WNT4: variants seen among roughly 807,000 people sequenced by gnomAD.
WNT4 encodes the protein Wnt family member 4.
WNT4 carries 16 observed loss-of-function variants against 34.5 expected under a neutral mutation model. The ratio of observed to expected loss-of-function variants is 0.46; its 90% CI spans 0.31 to 0.70. The LOEUF (loss-of-function observed/expected upper bound fraction) is 0.70. Among genes scored for constraint, WNT4 ranks in the 30% least tolerant of loss-of-function variants. The pLI is 0.04. For synonymous variants in WNT4, 200 were observed against 211.9 expected, an observed-to-expected ratio of 0.94 and a Z score of 0.49; for missense variants, 379 against 495.9, an observed-to-expected ratio of 0.76 and a Z score of 2.24.
At chr1:22,120,622 C>T in intron 4 of WNT4, 105 bp from the exon 5 acceptor site, 1 of 1,192,384 alleles carries the variant, frequency 8.4e-7, no homozygotes, top group Non-Finnish European at 1.2e-6. Flanking sequence ...GGGGCTGACG[C>T]TGCAGTCAGA....
chr1:22,141,345 C>T (rs1000698285), intron 1 of WNT4, among the ~76,000 whole-genome samples: 3 of 152,082 alleles, frequency 2.0e-5, no homozygotes, highest in Non-Finnish European at 2.9e-5. Context: ...CCTTCTGATG[C>T]TCAGATCTGT....
chr1:22,132,182 C>T (rs1645989447), intron 1 of WNT4, among the ~76,000 whole-genome samples: 1 of 152,246 alleles, frequency 6.6e-6, no homozygotes, highest in Non-Finnish European at 1.5e-5. Flanking sequence ...TGGATCCTTT[C>T]CTGCTCAGAC....
chr1:22,129,470 C>T, intron 2 of WNT4, 146 bp downstream of exon 2: 1 of 1,007,322 alleles, frequency 9.9e-7, no homozygotes, highest in Non-Finnish European at 1.5e-6. Flanking sequence ...CGCTCTGCAT[C>T]CTTTATGCCC....
chr1:22,130,114 GC>G (rs1452711333), intron 1 of WNT4, among the ~76,000 whole-genome samples: 6 of 152,182 alleles, frequency 3.9e-5, no homozygotes, highest in Non-Finnish European at 8.8e-5. Context: ...AGCTCATCGA[GC>G]CCCTACGGGA....
chr1:22,120,286 C>T lies in WNT4; in HGVS notation c.820G>A (p.Glu274Lys). The T allele has an allele frequency of 6.2e-7, 1 of 1,614,224 alleles. No individual in the cohort carries two copies. Among genetic ancestry groups the T allele is most frequent in the Non-Finnish European group, 8.5e-7 (1 of 1,180,040 alleles). The change falls in exon 5 of 5, where the codon GAG becomes AAG. Residue 274 changes from glutamate (E) to lysine (K), a missense_variant. Coordinates refer to ENST00000290167, the MANE Select transcript of WNT4 (RefSeq NM_030761.5). ...PHTDEDLVYL[E>K]PSPDFCEQDM... ...TGCTCACAGAAGTCGGGGCTAGGCT[C>T]CAAGTACACCAGGTCCTCATCTGTG...
In WNT4 at chr1:22,129,869, CG is replaced by C. The variant is rs993354934; in HGVS notation, c.78-19del. 1 of 1,612,508 alleles carries C rather than the reference CG, an allele frequency of 6.2e-7. No homozygotes were observed. The highest frequency in any genetic ancestry group is 1.3e-5 in the African/African-American group (1 of 74,896). ...CCAGGTACCTGGGGAGAGGGTGACA[CG>C]TGATGCAGAGCCCACCTCCTCATCT... On this transcript the variant is annotated intron_variant, in intron 1 of 4. Coordinates refer to ENST00000290167, the MANE Select transcript of WNT4 (RefSeq NM_030761.5).
At position 22,120,373 on chromosome 1, in the gene WNT4, C is replaced by T. The variant is rs1367399638; in HGVS notation, c.733G>A (p.Glu245Lys). ...CTGGAGGAGCCCACGCGGCGTGGCT[C>T]CACCTCAGTGGCACCATCAAACTTC... ...KEKFDGATEV[E>K]PRRVGSSRAL... Residue 245 changes from glutamate to lysine, a missense_variant, in exon 5 of 5, where the codon GAG (glutamate) becomes AAG (lysine). Transcript: ENST00000290167. 1.9e-6 allele frequency: 3 copies of T among 1,614,082 alleles called. No individual in the cohort carries two copies. Among genetic ancestry groups the T allele is most frequent in the South Asian group, 2.2e-5 (2 of 91,092 alleles).
Position 22,120,447 on chromosome 1 carries a change from C to T in WNT4, c.659G>A (p.Cys220Tyr). The T allele has an allele frequency of 6.2e-7, 1 of 1,613,648 alleles. No individual in the cohort carries two copies. ...GCGGAAGGGCGGCACGGCTCGCCAG[C>T]ACGTCTTTACCTCACAGGAGCCTGA... is the stretch of plus-strand genomic sequence containing the variant. ...GVSGSCEVKT[C>Y]WRAVPPFRQV... The change falls in exon 5 of 5, where the codon TGC becomes TAC. Residue 220 changes from cysteine (C) to tyrosine (Y), a missense_variant. Physicochemically the swap from Cys to Tyr is radical, Grantham distance 194 (BLOSUM62 -2). Around this residue, in one of 2 missense-constraint regions of WNT4, gnomAD observed 313 missense variants for 445.8 expected, o/e 0.70. Coordinates refer to ENST00000290167, the MANE Select transcript of WNT4 (RefSeq NM_030761.5).
At chr1:22,124,001 A>G (rs1188675602) in intron 2 of WNT4, among the ~76,000 whole-genome samples, 5 of 152,176 alleles carry the variant, frequency 3.3e-5, no homozygotes, top group African/African-American at 9.7e-5. Flanking sequence ...AGCCTTCTCT[A>G]CCTGGTTCTG....
intron 1 of WNT4, among the ~76,000 whole-genome samples, chr1:22,132,548 C>G (rs1448803824): frequency 6.6e-6 from 1 of 152,214 alleles, no homozygotes; most frequent in Non-Finnish European, 1.5e-5. Context: ...CAGGGGCCTG[C>G]TGGCCCCATG....
intron 2 of WNT4, among the ~76,000 whole-genome samples, chr1:22,125,083 A>G (rs1423939544): frequency 2.0e-5 from 3 of 152,040 alleles, no homozygotes; most frequent in Non-Finnish European, 4.4e-5. Flanking sequence ...TCAGAGCCAA[A>G]GCTGTATTGG....
At chr1:22,130,199 C>T (rs1645972683) in intron 1 of WNT4, among the ~76,000 whole-genome samples, 1 of 152,192 alleles carries the variant, frequency 6.6e-6, no homozygotes. Context: ...TATGGGATCC[C>T]ACTGTTCCCT....
chr1:22,129,844 C>T lies in WNT4; in HGVS notation c.85G>A (p.Ala29Thr). The change falls in exon 2 of 5, where the codon GCC becomes ACC. Residue 29 changes from alanine to threonine, a missense_variant. By Grantham distance (58) the Ala-to-Thr change is moderately conservative (BLOSUM62 0). Transcript: ENST00000290167. ...ATGCTCCCCACCGACGACAGCTTGG[C>T]CAGGTACCTGGGGAGAGGGTGACAC... ...SAAASNWLYL[A>T]KLSSVGSISE... 6 of 1,613,726 alleles carry T rather than the reference C, an allele frequency of 3.7e-6. No individual in the cohort carries two copies. The highest frequency in any genetic ancestry group is 5.1e-6 in the Non-Finnish European group (6 of 1,180,016).
chr1:22,127,918 G>A (rs559065877), intron 2 of WNT4, among the ~76,000 whole-genome samples: 1 of 152,280 alleles, frequency 6.6e-6, no homozygotes, highest in Non-Finnish European at 1.5e-5. Context: ...AGGAGTGAGA[G>A]AGGGTGACAG....
intron 1 of WNT4, among the ~76,000 whole-genome samples, chr1:22,141,317 T>A (rs1210665647): frequency 6.6e-6 from 1 of 152,124 alleles, no homozygotes; most frequent in Non-Finnish European, 1.5e-5. Context: ...GCTGGGCAGG[T>A]GAGACACAGT....
Position 22,139,800 on chromosome 1 carries a change from G to A in WNT4, c.77+3046C>T, listed in dbSNP as rs987465480. Among the ~76,000 whole-genome samples the A allele has an allele frequency of 2.0e-4, 31 of 152,202 alleles. No individual in the cohort carries two copies. The highest frequency in any genetic ancestry group is 6.3e-4 in the African/African-American group (26 of 41,456). On this transcript the variant is annotated intron_variant, in intron 1 of 4. Coordinates refer to ENST00000290167, the MANE Select transcript of WNT4 (RefSeq NM_030761.5). This position sits in a 1 kb window ranked among gnomAD's most constrained non-coding sequence, Gnocchi z 4.6. ...TTTCTGAGCTCAGGTCCGTGGCAGG[G>A]CAGCCTCCTTAAGGGCAGAGTCCCA...
At chr1:22,126,087 C>CGGTG (rs1260997953) in intron 2 of WNT4, among the ~76,000 whole-genome samples, 4 of 152,186 alleles carry the variant, frequency 2.6e-5, no homozygotes, top group African/African-American at 9.7e-5. Flanking sequence ...CAAGAACCAC[C>CGGTG]GATCCCCGCC....
rs1645946621 is a variant in WNT4, at chr1:22,127,171, C to T, written c.313+2445G>A. Reference sequence around the variant, plus strand: ...CCGAGTGTGACTGGCTTAGTCTCGGCACCTTGACATGTCCCTCTCCAAAGG... The same window carrying T: ...CCGAGTGTGACTGGCTTAGTCTCGGTACCTTGACATGTCCCTCTCCAAAGG... On this transcript the variant is annotated intron_variant, in intron 2 of 4. Transcript: ENST00000290167. 1.5e-5 allele frequency: 6 copies of T among 411,414 alleles called. No homozygotes were observed. In the Admixed American group the frequency reaches 1.6e-4, roughly 11 times the overall value. 25.5% of individuals were successfully genotyped at this position (411,414 alleles called of 1,614,324 possible).
intron 2 of WNT4, among the ~76,000 whole-genome samples, chr1:22,124,309 TC>T (rs1645925103): frequency 6.6e-6 from 1 of 152,204 alleles, no homozygotes; most frequent in Non-Finnish European, 1.5e-5. Context: ...GGTGCCTTCT[TC>T]CGTTTTCACA....
Sources: gnomAD v4.1 joint callset for allele counts (sites outside exome capture counted in the v4.1 genomes callset) on GRCh38, gnomAD v4.1.1 for gene constraint, gnomAD v4.1.1 regional missense constraint, Gnocchi (gnomAD v3.1) non-coding constraint, MANE v1.5 for transcripts, NCBI Gene and HGNC (gene_info 2026-07-23, HGNC 2026-07-21) for gene names.